PIEZO1: variants seen among roughly 807,000 people sequenced by gnomAD.
PIEZO1 encodes piezo-type mechanosensitive ion channel component 1.
Under a neutral mutation model 297.2 loss-of-function variants are expected in PIEZO1, and 296 were observed. That is an observed-to-expected ratio of 1.00 (90% CI 0.91 to 1.10). PIEZO1 has a LOEUF of 1.10. Among genes scored for constraint, PIEZO1 ranks in the 50% least tolerant of loss-of-function variants. PIEZO1 has a pLI of 0.00. For synonymous variants in PIEZO1, 2,427 were observed against 1,507.5 expected, an observed-to-expected ratio of 1.61 and a Z score of -14.13; for missense variants, 5,018 against 3,455.5, an observed-to-expected ratio of 1.45 and a Z score of -11.34.
rs1324467727 is a variant in PIEZO1 at position 88,784,942 on chromosome 16, G to T, written c.23C>A (p.Ala8Glu). The T allele has an allele frequency of 7.2e-7, 1 of 1,392,974 alleles. No homozygotes were observed. The highest frequency in any genetic ancestry group is 1.4e-5 in the South Asian group (1 of 70,150). 86.3% of individuals were successfully genotyped at this position (1,392,974 alleles called of 1,614,324 possible). The change falls in exon 1 of 51, where the codon GCG (alanine) becomes GAG (glutamate). Residue 8 changes from alanine (A) to glutamate (E), a missense_variant. Coordinates refer to ENST00000301015, the MANE Select transcript of PIEZO1 (RefSeq NM_001142864.4). ...GGGCAGCAGCAGCCAGTACAGGACC[G>T]CGCCGAGCACGTGCGGCTCCATGGC... The part of the protein sequence containing the change: MEPHVLG[A>E]VLYWLLLPCA...
chr16:88,736,733 G>A lies in PIEZO1; in HGVS notation c.1202C>T (p.Pro401Leu), dbSNP rs1446285729. The change falls in exon 11 of 51, where the codon CCC (proline) becomes CTC (leucine). Residue 401 changes from proline (P) to leucine (L), a missense_variant. Physicochemically the swap from Pro to Leu is moderately conservative, Grantham distance 98. Transcript: ENST00000301015. ...CGCCTCCCTGGGCTCAGCCCGCTTG[G>A]GCCGCACTGCAGGTGGGGACAGCGG... ...QSSVLRRPVRPKRAEPREASP... is the reference protein window; with the variant it reads ...QSSVLRRPVRLKRAEPREASP... 2.0e-6 allele frequency: 3 copies of A among 1,527,312 alleles called. No individual in the cohort carries two copies. The highest frequency in any genetic ancestry group is 2.6e-6 in the Non-Finnish European group (3 of 1,141,948). 94.6% of individuals were successfully genotyped at this position (1,527,312 alleles called of 1,614,324 possible).
intron 1 of PIEZO1, among the ~76,000 whole-genome samples, chr16:88,750,459 C>A (rs2142865245): frequency 6.6e-6 from 1 of 152,398 alleles, no homozygotes; most frequent in South Asian, 2.1e-4. Context: ...CGTGGCCGCA[C>A]TCGCCACAGC....
intron 10 of PIEZO1, 135 bp from the exon 11 acceptor site, chr16:88,736,874 C>T (rs747180707): frequency 2.2e-5 from 12 of 551,318 alleles, no homozygotes; most frequent in South Asian, 8.9e-5. Flanking sequence ...GGGCAGAACA[C>T]GAGGGCTCCG....
At chr16:88,724,525 C>T (rs1317739341) in intron 30 of PIEZO1, among the ~76,000 whole-genome samples, 12 of 142,704 alleles carry the variant, frequency 8.4e-5, no homozygotes, top group East Asian at 4.1e-4. Flanking sequence ...GGCAAGACAC[C>T]GTCTCCAAAA....
intron 1 of PIEZO1, among the ~76,000 whole-genome samples, chr16:88,781,699 G>C (rs1295537997): frequency 6.6e-6 from 1 of 152,242 alleles, no homozygotes; most frequent in Non-Finnish European, 1.5e-5. Context: ...ACAGGCCTCC[G>C]AAGGGTGACT....
At chr16:88,783,639 C>A (rs1597494079) in intron 1 of PIEZO1, among the ~76,000 whole-genome samples, 1 of 152,154 alleles carries the variant, frequency 6.6e-6, no homozygotes, top group African/African-American at 2.4e-5. Context: ...TGTTTACGGC[C>A]CATCTGACCC....
At position 88,734,377 on chromosome 16, in the gene PIEZO1, C is replaced by A; in HGVS notation, c.2159G>T (p.Arg720Leu). ...GCACCTGTGAGCCCAGCGCGGGAGG[C>A]GCGTGCCAGGCAGGGACACGTGCTC... ...DMEHVSLPGT[R>L]LPRWAHRQDA... Residue 720 changes from arginine to leucine, a missense_variant, in exon 16 of 51, where the codon CGC becomes CTC. By Grantham distance (102) the Arg-to-Leu change is moderately radical. Transcript: ENST00000301015. 2 of 1,542,038 alleles carry A rather than the reference C, an allele frequency of 1.3e-6. No individual in the cohort carries two copies. Among genetic ancestry groups the A allele is most frequent in the Non-Finnish European group, 1.8e-6 (2 of 1,142,454 alleles).
chr16:88,768,183 G>T (rs1907260228), intron 1 of PIEZO1, among the ~76,000 whole-genome samples: 1 of 152,226 alleles, frequency 6.6e-6, no homozygotes, highest in African/African-American at 2.4e-5. Context: ...AGCTGGTGGG[G>T]CAAGAGCTGG....
At chr16:88,766,497 C>T (rs553045462) in intron 1 of PIEZO1, among the ~76,000 whole-genome samples, 1 of 152,350 alleles carries the variant, frequency 6.6e-6, no homozygotes, top group Non-Finnish European at 1.5e-5. Context: ...GGCCTGGGGA[C>T]CCCGAGTTCC....
chr16:88,727,384 GCA>G (rs543390070), intron 23 of PIEZO1, among the ~76,000 whole-genome samples, 171 bp downstream of exon 23: 1 of 152,214 alleles, frequency 6.6e-6, no homozygotes, highest in Non-Finnish European at 1.5e-5. Flanking sequence ...GGGCTGCCGT[GCA>G]CACAGGCTGA....
chr16:88,721,089 C>G (rs1567660890), intron 39 of PIEZO1, 77 bp downstream of exon 39: 1 of 1,379,234 alleles, frequency 7.3e-7, no homozygotes, highest in Non-Finnish European at 9.6e-7. Flanking sequence ...GCCGTCTCAT[C>G]TGAGAAAGAC....
intron 2 of PIEZO1, chr16:88,743,392 C>A (rs774461522): frequency 2.2e-5 from 10 of 447,784 alleles, no homozygotes; most frequent in South Asian, 1.6e-4. Context: ...CGGGCCCTCA[C>A]CCTGGGGCAG....
chr16:88,718,821 C>A (rs1303523753), intron 44 of PIEZO1: 1 of 151,296 alleles, frequency 6.6e-6, no homozygotes, highest in African/African-American at 2.5e-5. Context: ...CATCCTCCCA[C>A]CTCAGCCTCC....
At chr16:88,727,229 G>A (rs371608982) in intron 23 of PIEZO1, 37 bp from the exon 24 acceptor site, 3 of 1,500,232 alleles carry the variant, frequency 2.0e-6, no homozygotes, top group South Asian at 2.5e-5. Flanking sequence ...GCCACACGGG[G>A]ACCCACACGA....
rs1905390359 is a variant in PIEZO1 at position 88,738,290 on chromosome 16, CAGATG to C, written c.780_784del (p.Ile261ProfsTer21). On this transcript the variant is annotated frameshift_variant, in exon 7 of 51. Coordinates refer to ENST00000301015, the MANE Select transcript of PIEZO1 (RefSeq NM_001142864.4). LOFTEE classifies it high-confidence loss of function. Reference sequence around the variant, plus strand: ...CAAGGGCATCTGGTAGCAGTAGAGGCAGATGAGATGGCCGGCGCCGAAGCACCCCA... The same window carrying C: ...CAAGGGCATCTGGTAGCAGTAGAGGCAGATGGCCGGCGCCGAAGCACCCCA... 1 of 1,535,792 alleles carries C rather than the reference CAGATG, an allele frequency of 6.5e-7. No individual in the cohort carries two copies. Among genetic ancestry groups the C allele is most frequent in the Non-Finnish European group, 8.7e-7 (1 of 1,146,878 alleles).
At chr16:88,755,046 G>A (rs7403997) in intron 1 of PIEZO1, among the ~76,000 whole-genome samples, 1 of 152,348 alleles carries the variant, frequency 6.6e-6, no homozygotes, top group South Asian at 2.1e-4. Flanking sequence ...GCGGCCATCA[G>A]GTCACCGCCG....
Position 88,732,441 on chromosome 16 carries a change from G to C in PIEZO1, c.2885C>G (p.Pro962Arg), listed in dbSNP as rs1904921473. Reference sequence around the variant, plus strand: ...GCCGCTGGCAAACACGGCCTGGGCAGGCAGCGGGGCCAGCTGGTGCTGCCG... The same window carrying C: ...GCCGCTGGCAAACACGGCCTGGGCACGCAGCGGGGCCAGCTGGTGCTGCCG... ...YRRQHQLAPL[P>R]AQAVFASGTR... Residue 962 changes from proline to arginine, a missense_variant, in exon 21 of 51, where the codon CCT becomes CGT. Coordinates refer to ENST00000301015, the MANE Select transcript of PIEZO1 (RefSeq NM_001142864.4). 6.5e-7 allele frequency: 1 copy of C among 1,549,552 alleles called. No individual in the cohort carries two copies. The highest frequency in any genetic ancestry group is 1.4e-5 in the African/African-American group (1 of 73,020).
intron 1 of PIEZO1, among the ~76,000 whole-genome samples, chr16:88,778,354 G>A (rs908013685): frequency 6.6e-6 from 1 of 152,250 alleles, no homozygotes; most frequent in African/African-American, 2.4e-5. Context: ...CCTGAGGAAG[G>A]AGAAGCAGCC....
chr16:88,719,483 C>T (rs1938789604), intron 44 of PIEZO1, 91 bp downstream of exon 44: 3 of 1,280,586 alleles, frequency 2.3e-6, no homozygotes, highest in Non-Finnish European at 3.3e-6. Flanking sequence ...GGGCCTCCAG[C>T]ACCACGGGTT....
Sources: allele counts gnomAD v4.1 joint callset (sites outside exome capture counted in the v4.1 genomes callset), GRCh38; gene constraint gnomAD v4.1.1; transcripts MANE v1.5; gene names NCBI Gene and HGNC (gene_info 2026-07-23, HGNC 2026-07-21).